Variants in CHL1 observed in about 807,000 individuals in gnomAD.
The protein encoded by CHL1 is neural cell adhesion molecule L1-like protein.
In CHL1, 96 loss-of-function variants were observed where a neutral mutation model predicts 141.9. The observed-to-expected ratio is 0.68, with a 90% CI of 0.57 to 0.80. CHL1 has a LOEUF of 0.80. Ranked by LOEUF, CHL1 falls within the 30% of genes least tolerant of loss-of-function variation. CHL1 has a pLI of 0.00. For missense variants in CHL1, 1,820 were observed against 1,457.2 expected (o/e 1.25, Z -4.05); for synonymous variants, 613 against 502.2 (o/e 1.22, Z -2.95).
chr3:337,828 A>T (rs1326382112), intron 5 of CHL1, among the ~76,000 whole-genome samples: 2 of 152,194 alleles, frequency 1.3e-5, no homozygotes, highest in Non-Finnish European at 2.9e-5. Context: ...TGACACAATA[A>T]ACATATGTGT....
At chr3:374,754 T>G (rs921052557) in intron 15 of CHL1, among the ~76,000 whole-genome samples, 1 of 152,182 alleles carries the variant, frequency 6.6e-6, no homozygotes, top group East Asian at 1.9e-4. Flanking sequence ...GCCAAGGGCA[T>G]GCACGGTGAT....
At chr3:218,632 T>A (rs576680735) in intron 1 of CHL1, among the ~76,000 whole-genome samples, 1 of 152,326 alleles carries the variant, frequency 6.6e-6, no homozygotes, top group South Asian at 2.1e-4. Context: ...TCTATAAAAA[T>A]TAAAGTTTAA....
chr3:197,963 TG>T (rs1248318106), intron 1 of CHL1: 2 of 364,840 alleles, frequency 5.5e-6, no homozygotes, highest in Admixed American at 6.6e-5. Flanking sequence ...GCCGGGAGGC[TG>T]GGGAAAGCCA....
intron 1 of CHL1, among the ~76,000 whole-genome samples, chr3:228,087 G>C (rs1220180124): frequency 1.3e-5 from 2 of 152,088 alleles, no homozygotes; most frequent in Non-Finnish European, 2.9e-5. Flanking sequence ...TAATGGAATT[G>C]ATCTACAACA....
chr3:260,806 G>C (rs893216753), intron 2 of CHL1, among the ~76,000 whole-genome samples: 1 of 152,158 alleles, frequency 6.6e-6, no homozygotes, highest in Admixed American at 6.5e-5. Flanking sequence ...TAAGGGAGGA[G>C]AGCAATAAGA....
chr3:196,864 G>A lies in CHL1; in HGVS notation c.-374G>A, dbSNP rs922302504. 6.5e-6 allele frequency: 1 copy of A among 152,692 alleles called. No homozygotes were observed. Among genetic ancestry groups the A allele is most frequent in the Non-Finnish European group, 1.5e-5 (1 of 68,466 alleles). 9.5% of individuals were successfully genotyped at this position (152,692 alleles called of 1,614,324 possible). On this transcript the variant is annotated 5_prime_UTR_variant, in exon 1 of 28. Coordinates refer to ENST00000256509, the MANE Select transcript of CHL1 (RefSeq NM_006614.4). ...GCTCCAGCCTTCCCGCGGCCAGAGA[G>A]CCAGCGGCGGGAGGGGACGGGCGGG... is the stretch of plus-strand genomic sequence containing the variant.
intron 2 of CHL1, chr3:247,202 C>T (rs1270531797): frequency 6.6e-6 from 1 of 151,784 alleles, no homozygotes; most frequent in Admixed American, 6.6e-5. Flanking sequence ...TGCTAGAGAC[C>T]ATTCAAATGC....
intron 2 of CHL1, among the ~76,000 whole-genome samples, chr3:259,341 A>T (rs1276626404): frequency 6.8e-6 from 1 of 146,500 alleles, no homozygotes; most frequent in Admixed American, 6.7e-5. Flanking sequence ...TGTGTGTGAT[A>T]TAGTGGGGGT....
At chr3:258,459 T>C (rs1205010087) in intron 2 of CHL1, among the ~76,000 whole-genome samples, 1 of 152,166 alleles carries the variant, frequency 6.6e-6, no homozygotes, top group Non-Finnish European at 1.5e-5. Context: ...CAAATCTCTC[T>C]CTCAAGAATT....
chr3:259,277 C>T (rs570926957), intron 2 of CHL1, among the ~76,000 whole-genome samples: 21 of 151,036 alleles, frequency 1.4e-4, no homozygotes, highest in Non-Finnish European at 2.4e-4. Context: ...TGCACACGTG[C>T]GTGTGTGTGC....
intron 2 of CHL1, among the ~76,000 whole-genome samples, chr3:271,182 G>A (rs1304990025): frequency 6.6e-6 from 1 of 152,192 alleles, no homozygotes; most frequent in African/African-American, 2.4e-5. Flanking sequence ...TGGGGAGGGG[G>A]AAGGAAAGTT....
intron 22 of CHL1, 149 bp from the exon 23 acceptor site, chr3:391,526 A>G: frequency 1.6e-6 from 1 of 618,124 alleles, no homozygotes; most frequent in Non-Finnish European, 2.7e-6. Context: ...CAAAAAAATA[A>G]ATAAATAAAC....
intron 1 of CHL1, among the ~76,000 whole-genome samples, chr3:243,243 AAC>A (rs1692843380): frequency 6.6e-6 from 1 of 152,240 alleles, no homozygotes; most frequent in Admixed American, 6.5e-5. Flanking sequence ...AGACTGTCGT[AAC>A]ACACATAGGA....
chr3:199,071 C>CT (rs1190073420), intron 1 of CHL1, among the ~76,000 whole-genome samples: 1 of 152,214 alleles, frequency 6.6e-6, no homozygotes, highest in African/African-American at 2.4e-5. Context: ...ATTTCAGTCT[C>CT]TTTGTGAGGG....
chr3:308,048 T>G (rs545641649), intron 2 of CHL1, among the ~76,000 whole-genome samples: 2 of 152,308 alleles, frequency 1.3e-5, no homozygotes, highest in African/African-American at 4.8e-5. Flanking sequence ...CTATTAGCCT[T>G]TATGGAATTA....
At chr3:200,597 A>T (rs1293344461) in intron 1 of CHL1, among the ~76,000 whole-genome samples, 2 of 152,218 alleles carry the variant, frequency 1.3e-5, no homozygotes, top group East Asian at 3.8e-4. Context: ...AACACAGCTA[A>T]TGAGTGAAAG....
chr3:291,383 A>C (rs1201631160), intron 2 of CHL1, among the ~76,000 whole-genome samples: 2 of 151,824 alleles, frequency 1.3e-5, no homozygotes, highest in Non-Finnish European at 2.9e-5. Context: ...ATATTGGGTA[A>C]GTTTTATTAT....
At chr3:318,229 C>G (rs139574437) in intron 2 of CHL1, among the ~76,000 whole-genome samples, 2 of 151,776 alleles carry the variant, frequency 1.3e-5, no homozygotes, top group South Asian at 2.1e-4. Context: ...TTTTACCAAT[C>G]GGTACATATA....
At chr3:252,870 A>T (rs1295341736) in intron 2 of CHL1, among the ~76,000 whole-genome samples, 1 of 152,130 alleles carries the variant, frequency 6.6e-6, no homozygotes, top group Non-Finnish European at 1.5e-5. Context: ...ATGTCCAATT[A>T]TCATGCTTTC....
Sources: gnomAD v4.1 joint callset for allele counts (sites outside exome capture counted in the v4.1 genomes callset) on GRCh38, gnomAD v4.1.1 for gene constraint, MANE v1.5 for transcripts, NCBI Gene and HGNC (gene_info 2026-07-23, HGNC 2026-07-21) for gene names.